PHACTR4: variants seen among roughly 807,000 people sequenced by gnomAD.
PHACTR4 encodes phosphatase and actin regulator 4.
In PHACTR4, 51 loss-of-function variants were observed where a neutral mutation model predicts 72.7. The observed-to-expected ratio is 0.70, with a 90% CI of 0.56 to 0.89. PHACTR4 has a LOEUF of 0.89. PHACTR4 is among the 40% of genes least tolerant of loss of function. The pLI, the probability that PHACTR4 is intolerant of heterozygous loss-of-function variation, is 0.00. For synonymous variants in PHACTR4, 255 were observed against 302.5 expected (o/e 0.84, Z 1.63); for missense variants, 731 against 861.8 (o/e 0.85, Z 1.90).
At chr1:28,453,934 G>C (rs975308478) in intron 2 of PHACTR4, 3 of 693,328 alleles carry the variant, frequency 4.3e-6, no homozygotes, top group Non-Finnish European at 7.6e-6. Context: ...CATGGAACAC[G>C]GCCAGGCACG....
In PHACTR4 at chr1:28,465,726, A is replaced by G; in HGVS notation, c.313A>G (p.Asn105Asp). Reference sequence around the variant, plus strand: ...AAAGCCAAGCGATGCCATGTTAAAGAATGGCCATACCACCCCCATAGGGAA... The same window carrying G: ...AAAGCCAAGCGATGCCATGTTAAAGGATGGCCATACCACCCCCATAGGGAA... ...PGKPSDAMLK[N>D]GHTTPIGNAR... The change falls in exon 5 of 14, where the codon AAT becomes GAT. Residue 105 changes from asparagine to aspartate, a missense_variant. Physicochemically the swap from Asn to Asp is conservative, Grantham distance 23. Coordinates refer to ENST00000373839, the MANE Select transcript of PHACTR4 (RefSeq NM_001048183.3). The G allele has an allele frequency of 6.2e-7, 1 of 1,613,968 alleles. No homozygotes were observed. The highest frequency in any genetic ancestry group is 2.2e-5 in the East Asian group (1 of 44,868).
Position 28,474,144 on chromosome 1 carries a change from C to G in PHACTR4, c.1414C>G (p.Leu472Val), listed in dbSNP as rs988532126. ...GTCTCTTCCCATCACTATTGAAATG[C>G]TAAAAGTGTAAGTGCCTTTAAAGCT... ...TRSLPITIEM[L>V]KVPDDEEEEE... The change falls in exon 7 of 14, where the codon CTA becomes GTA. Residue 472 changes from leucine (L) to valine (V), a missense_variant. Coordinates refer to ENST00000373839, the MANE Select transcript of PHACTR4 (RefSeq NM_001048183.3). 1.2e-6 allele frequency: 2 copies of G among 1,607,466 alleles called. No homozygotes were observed. Among genetic ancestry groups the G allele is most frequent in the Non-Finnish European group, 1.7e-6 (2 of 1,176,370 alleles).
chr1:28,444,781 A>G (rs1301757012), intron 2 of PHACTR4, among the ~76,000 whole-genome samples: 1 of 118,784 alleles, frequency 8.4e-6, no homozygotes, highest in Non-Finnish European at 1.7e-5. Context: ...GCACCCAGCT[A>G]ATTTTTTTTT....
intron 2 of PHACTR4, among the ~76,000 whole-genome samples, chr1:28,426,902 A>C (rs1437733777): frequency 1.3e-5 from 2 of 152,192 alleles, no homozygotes; most frequent in Non-Finnish European, 2.9e-5. Flanking sequence ...CAGCATGTCC[A>C]GTAGAACTTT....
At chr1:28,428,228 C>G (rs548622251) in intron 2 of PHACTR4, among the ~76,000 whole-genome samples, 1 of 152,158 alleles carries the variant, frequency 6.6e-6, no homozygotes, top group Non-Finnish European at 1.5e-5. Flanking sequence ...ACCTTTTGCT[C>G]ACTTACTTTT....
chr1:28,474,419 G>A (rs1345690000), intron 7 of PHACTR4, among the ~76,000 whole-genome samples: 1 of 151,844 alleles, frequency 6.6e-6, no homozygotes, highest in Non-Finnish European at 1.5e-5. Flanking sequence ...AGCTACTCGG[G>A]AGGCTGAGGC....
chr1:28,376,390 A>C (rs80119161), intron 1 of PHACTR4, among the ~76,000 whole-genome samples: 57,448 of 150,570 alleles, frequency 0.38, 12,577 homozygotes, highest in African/African-American at 0.6. Context: ...GGGCTCACTG[A>C]ACCCTTGACC....
intron 1 of PHACTR4, among the ~76,000 whole-genome samples, chr1:28,380,852 A>G (rs974214472): frequency 1.3e-5 from 2 of 152,098 alleles, no homozygotes; most frequent in Non-Finnish European, 2.9e-5. Context: ...TCCTTTGGGT[A>G]TATAACCAGT....
At chr1:28,392,622 G>C (rs1370547253) in intron 1 of PHACTR4, among the ~76,000 whole-genome samples, 1 of 151,210 alleles carries the variant, frequency 6.6e-6, no homozygotes, top group East Asian at 1.9e-4. Context: ...CGAACTCCTG[G>C]GCTCAAGTGA....
At chr1:28,444,811 T>C (rs191094867) in intron 2 of PHACTR4, among the ~76,000 whole-genome samples, 2 of 140,384 alleles carry the variant, frequency 1.4e-5, no homozygotes, top group African/African-American at 5.7e-5. Context: ...GTATTTTTAG[T>C]AGAGACGGGG....
chr1:28,487,739 T>C (rs1281341515), intron 9 of PHACTR4, among the ~76,000 whole-genome samples: 1 of 133,450 alleles, frequency 7.5e-6, no homozygotes, highest in Non-Finnish European at 1.6e-5. Context: ...TTTTTTTTTT[T>C]TTTTTTTTTT....
intron 2 of PHACTR4, among the ~76,000 whole-genome samples, chr1:28,451,553 C>A (rs556364037): frequency 6.6e-6 from 1 of 151,910 alleles, no homozygotes; most frequent in African/African-American, 2.4e-5. Flanking sequence ...ACAACAGGTG[C>A]GCATCACTGT....
chr1:28,458,108 T>TG (rs1658534886), intron 2 of PHACTR4, among the ~76,000 whole-genome samples: 5 of 120,292 alleles, frequency 4.2e-5, no homozygotes, highest in South Asian at 2.6e-4. Context: ...GTGTGTGTGT[T>TG]TGTGTGTGTG....
At chr1:28,445,461 T>G in intron 2 of PHACTR4, among the ~76,000 whole-genome samples, 1 of 149,712 alleles carries the variant, frequency 6.7e-6, no homozygotes, top group South Asian at 2.1e-4. Flanking sequence ...GGAACTTTCC[T>G]TCTCTGTCTT....
intron 1 of PHACTR4, among the ~76,000 whole-genome samples, chr1:28,401,451 C>T (rs1441401823): frequency 2.6e-5 from 4 of 151,886 alleles, no homozygotes; most frequent in African/African-American, 4.8e-5. Context: ...GGATTACAGG[C>T]GCCCGCCACC....
intron 2 of PHACTR4, among the ~76,000 whole-genome samples, chr1:28,442,704 C>A (rs1657131040): frequency 6.6e-6 from 1 of 151,970 alleles, no homozygotes; most frequent in Non-Finnish European, 1.5e-5. Context: ...CGGGGTTTCG[C>A]CATGTTGGCC....
At chr1:28,429,440 G>A (rs185902862) in intron 2 of PHACTR4, among the ~76,000 whole-genome samples, 166 of 152,256 alleles carry the variant, frequency 1.1e-3, no homozygotes, top group Admixed American at 1.6e-3. Context: ...CTATGGTCTC[G>A]ACGTTTTTTC....
chr1:28,380,734 T>G (rs927769788), intron 1 of PHACTR4, among the ~76,000 whole-genome samples: 5 of 152,172 alleles, frequency 3.3e-5, no homozygotes, highest in Non-Finnish European at 5.9e-5. Flanking sequence ...TTTCTTTATC[T>G]AGTCTACTTT....
intron 13 of PHACTR4, 86 bp downstream of exon 13, chr1:28,493,177 G>A: frequency 8.8e-7 from 1 of 1,133,332 alleles, no homozygotes; most frequent in Non-Finnish European, 1.3e-6. Flanking sequence ...AATGACATCA[G>A]TAAAAAGGAA....
Sources: allele counts gnomAD v4.1 joint callset (sites outside exome capture counted in the v4.1 genomes callset), GRCh38; gene constraint gnomAD v4.1.1; transcripts MANE v1.5; gene names NCBI Gene and HGNC (gene_info 2026-07-23, HGNC 2026-07-21).